The following NADK variants were observed in gnomAD, a reference collection of about 807,000 sequenced individuals.
NADK encodes poly(P)/ATP NAD kinase.
A neutral mutation model predicts 49.8 loss-of-function variants in NADK; 22 were observed. That is an observed-to-expected ratio of 0.44 (90% CI 0.32 to 0.63). The LOEUF (loss-of-function observed/expected upper bound fraction) is 0.63, where lower values mean the gene tolerates loss of function less well. Among genes scored for constraint, NADK ranks in the 30% least tolerant of loss-of-function variants. NADK has a pLI of 0.06. For synonymous variants in NADK, 268 were observed against 253.7 expected (o/e 1.06, Z -0.54); for missense variants, 438 against 609.4 (o/e 0.72, Z 2.96).
chr1:1,779,020 CTCGGGGCTGTCCG>C (rs1391072064), upstream of NADK: 1 of 152,320 alleles, frequency 6.6e-6, no homozygotes, highest in Admixed American at 6.5e-5. Context: ...GCTGCGCTCC[CTCGGGGCTGTCCG>C]TCGGGGCTGG....
Position 1,754,589 on chromosome 1 carries a change from A to T in NADK, c.798T>A (p.Ala266=), listed in dbSNP as rs778398929. Residue 266 remains alanine (A), a synonymous_variant, in exon 8 of 12, where the codon GCT becomes GCA. Coordinates refer to ENST00000341426, the MANE Select transcript of NADK (RefSeq NM_023018.5). This position sits in a 1 kb window ranked among gnomAD's most constrained non-coding sequence, Gnocchi z 4.3. ...TCCCGACATCCATGTCCAGGCCTGC[A>T]GCCTGCGAGCCGTTCTCACCCAGCC... ...HNGLGENGSQ[A]AGLDMDVGKQ... 1.2e-6 allele frequency: 2 copies of T among 1,613,578 alleles called. No homozygotes were observed. The highest frequency in any genetic ancestry group is 4.5e-5 in the East Asian group (2 of 44,872).
Position 1,752,928 on chromosome 1 carries a change from C to CTCT in NADK, c.1316_1317insAGA (p.Glu445dup), listed in dbSNP as rs1491106190. 3.1e-6 allele frequency: 5 copies of CTCT among 1,603,100 alleles called. No homozygotes were observed. The highest frequency in any genetic ancestry group is 3.4e-6 in the Non-Finnish European group (4 of 1,175,166). ...CCTAGCCCTCCTCCTCCTCCTCCTC[C>CTCT]TCCTCCTCGAAGTGGGCTTGCTTCT... On this transcript the variant is annotated inframe_insertion, in exon 12 of 12. Coordinates refer to ENST00000341426, the MANE Select transcript of NADK (RefSeq NM_023018.5).
intron 3 of NADK, among the ~76,000 whole-genome samples, chr1:1,758,902 G>A (rs540626262): frequency 2.1e-3 from 324 of 152,266 alleles, no homozygotes; most frequent in Non-Finnish European, 3.2e-3. Context: ...CCGCGGAACC[G>A]GCTGGGCCCC....
upstream of NADK, chr1:1,780,310 A>G (rs1433650296): frequency 1.3e-5 from 2 of 152,230 alleles, no homozygotes; most frequent in Non-Finnish European, 2.9e-5. Context: ...GCCAGGCCTC[A>G]GTAGAATCTT....
intron 3 of NADK, chr1:1,759,710 C>T (rs756190796): frequency 2.1e-5 from 33 of 1,549,140 alleles, no homozygotes; most frequent in Non-Finnish European, 2.7e-5. Context: ...CTGCATGCCC[C>T]TCAAGGCTGC....
intron 3 of NADK, among the ~76,000 whole-genome samples, chr1:1,757,865 C>G (rs1645580248): frequency 6.6e-6 from 1 of 152,172 alleles, no homozygotes; most frequent in Admixed American, 6.5e-5. Context: ...GGACTTTAAC[C>G]TCACTCACTC....
intron 4 of NADK, 122 bp from the exon 5 acceptor site, chr1:1,756,730 C>T (rs1570514348): frequency 9.1e-6 from 14 of 1,540,522 alleles, no homozygotes; most frequent in Middle Eastern, 3.4e-4. Context: ...CCCGCCCCCC[C>T]ACGCTCACGC....
chr1:1,755,526 A>G (rs1645487680), intron 6 of NADK, 50 bp from the exon 7 acceptor site: 4 of 1,364,320 alleles, frequency 2.9e-6, no homozygotes, highest in Non-Finnish European at 4.2e-6. Context: ...GCACCCCCGC[A>G]CCACCCAGCT....
In NADK at chr1:1,756,502, C is replaced by T; in HGVS notation, c.499+1G>A. The T allele has an allele frequency of 6.2e-7, 1 of 1,614,066 alleles. No individual in the cohort carries two copies. Among genetic ancestry groups the T allele is most frequent in the South Asian group, 1.1e-5 (1 of 91,086 alleles). ...CAAGGACAGAGCTGCTGACAGCCCA[C>T]CTTCTCGAAAGGTACAGAATTTCTT... On this transcript the variant is annotated splice_donor_variant, in intron 5 of 11. Transcript: ENST00000341426. LOFTEE classifies it high-confidence loss of function.
chr1:1,773,674 TTTTGTGTG>T (rs1646117966), intron 1 of NADK, among the ~76,000 whole-genome samples: 1 of 113,676 alleles, frequency 8.8e-6, no homozygotes, highest in Non-Finnish European at 1.8e-5. Context: ...AGAAGCTCTA[TTTTGTGTG>T]TGTGTGTGTG....
Position 1,755,358 on chromosome 1 carries a change from G to A in NADK, c.688+16C>T. On this transcript the variant is annotated intron_variant, in intron 7 of 11. Transcript: ENST00000341426. ...ATGATCAGAGCTCCTGTGGGCTCCA[G>A]AACATTCCAACTCACCCTCTATCAC... 6.3e-7 allele frequency: 1 copy of A among 1,593,786 alleles called. No individual in the cohort carries two copies. The highest frequency in any genetic ancestry group is 1.3e-5 in the African/African-American group (1 of 74,610).
At chr1:1,757,148 A>ACACCC in intron 4 of NADK, 33 bp downstream of exon 4, 1 of 859,200 alleles carries the variant, frequency 1.2e-6, no homozygotes. Context: ...CTCCATGTGC[A>ACACCC]CCCCAGGCCC....
intron 1 of NADK, among the ~76,000 whole-genome samples, chr1:1,777,499 G>A (rs953597645): frequency 2.0e-5 from 3 of 152,116 alleles, no homozygotes; most frequent in African/African-American, 4.8e-5. Context: ...TTCCCATCAA[G>A]AGCCAAGAAT....
chr1:1,757,144 G>A (rs1557839160), intron 4 of NADK, 37 bp downstream of exon 4: 3 of 1,535,918 alleles, frequency 2.0e-6, no homozygotes, highest in South Asian at 1.2e-5. Flanking sequence ...CCAACTCCAT[G>A]TGCACCCCAG....
At chr1:1,759,557 C>G (rs1342748621) in intron 3 of NADK, among the ~76,000 whole-genome samples, 1 of 152,258 alleles carries the variant, frequency 6.6e-6, no homozygotes, top group Non-Finnish European at 1.5e-5. Context: ...CCCACAGGGT[C>G]TTGCTCTGGA....
In NADK at chr1:1,752,292, C is replaced by G. The variant is rs1044313717; in HGVS notation, c.*612G>C. The G allele has an allele frequency of 1.3e-5, 2 of 152,612 alleles. No individual in the cohort carries two copies. Among genetic ancestry groups the G allele is most frequent in the Non-Finnish European group, 2.9e-5 (2 of 68,076 alleles). The allele number at this position is 152,612 out of a possible 1,614,324, so 9.5% of individuals were successfully genotyped here. On this transcript the variant is annotated 3_prime_UTR_variant, in exon 12 of 12. Transcript: ENST00000341426. ...GTGTGGGTCGCTGGCGATGCCAGCC[C>G]CCTTCCCGCTGAGTGTCCCAGACTC...
chr1:1,778,209 T>G lies in NADK; in HGVS notation c.-41+80A>C, dbSNP rs1271415620. 2.0e-5 allele frequency: 3 copies of G among 152,188 alleles called. No homozygotes were observed. Among genetic ancestry groups the G allele is most frequent in the African/African-American group, 7.2e-5 (3 of 41,434 alleles). 9.4% of individuals were successfully genotyped at this position (152,188 alleles called of 1,614,324 possible). ...AGGGCCGGCCTGGTGTCTCCCCGCC[T>G]GGCCGCGCGCTCGCGGGCAGCGATG... is the stretch of plus-strand genomic sequence containing the variant. On this transcript the variant is annotated intron_variant, in intron 1 of 11. Transcript: ENST00000341426. This position sits in a 1 kb window ranked among gnomAD's most constrained non-coding sequence, Gnocchi z 4.9.
rs958931049 is a variant in NADK, at chr1:1,758,861, G to A, written c.264-1551C>T. Reference sequence around the variant, plus strand: ...GGCCAAGTACCCAGCCTCCAGCCTCGCCCCAGCACTGCGCCAGCCACCGCT... The same window carrying A: ...GGCCAAGTACCCAGCCTCCAGCCTCACCCCAGCACTGCGCCAGCCACCGCT... On this transcript the variant is annotated intron_variant, in intron 3 of 11. Transcript: ENST00000341426. 2.6e-5 allele frequency among the ~76,000 whole-genome samples: 4 copies of A among 152,198 alleles called. No homozygotes were observed. In the East Asian group the frequency reaches 5.8e-4, roughly 22 times the overall value.
chr1:1,757,035 G>T, intron 4 of NADK, 146 bp downstream of exon 4: 1 of 1,260,244 alleles, frequency 7.9e-7, no homozygotes, highest in Non-Finnish European at 1.1e-6. Flanking sequence ...ACACCCGGCA[G>T]ATCCCCACTC....
Sources: allele counts gnomAD v4.1 joint callset (sites outside exome capture counted in the v4.1 genomes callset), GRCh38; gene constraint gnomAD v4.1.1; non-coding constraint Gnocchi (gnomAD v3.1); transcripts MANE v1.5; gene names NCBI Gene and HGNC (gene_info 2026-07-23, HGNC 2026-07-21).